The following SSH2 variants were observed in gnomAD, a reference collection of about 807,000 sequenced individuals.
SSH2 encodes slingshot protein phosphatase 2, also known as protein phosphatase Slingshot homolog 2.
A neutral mutation model predicts 135.2 loss-of-function variants in SSH2; 37 were observed. The ratio of observed to expected loss-of-function variants is 0.27; its 90% CI spans 0.21 to 0.36. SSH2 has a LOEUF of 0.36. SSH2 is among the 10% of genes least tolerant of loss of function. The probability of loss-of-function intolerance (pLI) is 1.00; values close to 1 mark genes in which losing one functional copy is unlikely to be tolerated. For synonymous variants in SSH2, 628 were observed against 646.2 expected (o/e 0.97, Z 0.43); for missense variants, 1,408 against 1,765.3 (o/e 0.80, Z 3.63).
At chr17:29,650,505 C>G (rs1485185949) in intron 13 of SSH2, 149 bp downstream of exon 13, 3 of 672,708 alleles carry the variant, frequency 4.5e-6, no homozygotes, top group Non-Finnish European at 6.8e-6. Context: ...AGTCTTTTGC[C>G]TAGGATTAAA....
intron 13 of SSH2, among the ~76,000 whole-genome samples, chr17:29,650,383 CT>C (rs1257024030): frequency 1.3e-5 from 2 of 152,290 alleles, no homozygotes; most frequent in Non-Finnish European, 2.9e-5. Flanking sequence ...TCTCTCATTT[CT>C]GTATCTTTTG....
chr17:29,671,989 G>A lies in SSH2; in HGVS notation c.755C>T (p.Ala252Val), dbSNP rs2037515061. 6.2e-7 allele frequency: 1 copy of A among 1,614,102 alleles called. No homozygotes were observed. Among genetic ancestry groups the A allele is most frequent in the African/African-American group, 1.3e-5 (1 of 75,026 alleles). ...CCGGTGGGACTGTACATCTTGCATT[G>A]CATTCCATTCATTGACTGAGGATTG... ...SDQSSVNEWN[A>V]MQDVQSHRPD... The change falls in exon 9 of 16, where the codon GCA (alanine) becomes GTA (valine). Residue 252 changes from alanine to valine, a missense_variant. This residue lies in a region of SSH2 where 222 missense variants were observed against 355.6 expected (regional missense o/e 0.62). Coordinates refer to ENST00000540801, the MANE Select transcript of SSH2 (RefSeq NM_001282129.2).
intron 11 of SSH2, among the ~76,000 whole-genome samples, chr17:29,660,591 G>A (rs1396097256): frequency 6.6e-6 from 1 of 151,884 alleles, no homozygotes; most frequent in Non-Finnish European, 1.5e-5. Context: ...TCTGTAAAAT[G>A]AAAACCCCTT....
chr17:29,736,148 G>A (rs761545576), intron 3 of SSH2, among the ~76,000 whole-genome samples: 2 of 152,112 alleles, frequency 1.3e-5, no homozygotes, highest in Non-Finnish European at 2.9e-5. Flanking sequence ...AGCATTAAGT[G>A]AGAGTTGACT....
intron 1 of SSH2, among the ~76,000 whole-genome samples, chr17:29,853,825 G>A (rs1018188241): frequency 1.3e-5 from 2 of 151,636 alleles, no homozygotes; most frequent in Non-Finnish European, 2.9e-5. Flanking sequence ...TTAGAGCCAG[G>A]TGTGGTAACA....
chr17:29,678,518 G>A (rs2037821721), intron 6 of SSH2, among the ~76,000 whole-genome samples: 1 of 152,090 alleles, frequency 6.6e-6, no homozygotes, highest in Non-Finnish European at 1.5e-5. Context: ...AAAAGGCAAA[G>A]GGAATTAAAA....
intron 1 of SSH2, among the ~76,000 whole-genome samples, chr17:29,852,793 A>G (rs1599093414): frequency 6.6e-6 from 1 of 151,648 alleles, no homozygotes; most frequent in Non-Finnish European, 1.5e-5. Flanking sequence ...CTCGTGATCC[A>G]CCCACCTCGG....
At chr17:29,653,619 C>T (rs2036665368) in intron 12 of SSH2, among the ~76,000 whole-genome samples, 1 of 151,848 alleles carries the variant, frequency 6.6e-6, no homozygotes, top group Admixed American at 6.6e-5. Flanking sequence ...CAGAGTCTCA[C>T]TCTGTTGCCT....
rs559738731 is a variant in SSH2 at position 29,925,969 on chromosome 17, T to C, written c.63+3969A>G. On this transcript the variant is annotated intron_variant, in intron 1 of 15. Coordinates refer to ENST00000540801, the MANE Select transcript of SSH2 (RefSeq NM_001282129.2). ...TCAAAAGAGACAGAGATAATTCTTA[T>C]ATTGCCCTCTAATAATCAGGAAACA... Among the ~76,000 whole-genome samples, 19 of 152,308 alleles carry C rather than the reference T, an allele frequency of 1.2e-4. 1 individual carries two copies. In the South Asian group the frequency reaches 3.9e-3, roughly 32 times the overall value.
At chr17:29,798,554 T>A (rs1307879360) in intron 2 of SSH2, among the ~76,000 whole-genome samples, 1 of 152,228 alleles carries the variant, frequency 6.6e-6, no homozygotes, top group Non-Finnish European at 1.5e-5. Context: ...ATAACCATTA[T>A]GATTATTATC....
chr17:29,682,246 T>C (rs2038017323), intron 6 of SSH2, among the ~76,000 whole-genome samples: 1 of 152,180 alleles, frequency 6.6e-6, no homozygotes, highest in Non-Finnish European at 1.5e-5. Context: ...AAGATTCAAT[T>C]GAAGCTTCAT....
At chr17:29,651,086 T>C (rs1016946966) in intron 12 of SSH2, among the ~76,000 whole-genome samples, 7 of 152,226 alleles carry the variant, frequency 4.6e-5, no homozygotes. Flanking sequence ...AATCGTATCC[T>C]TGATAGTATT....
chr17:29,652,084 G>A (rs904977528), intron 12 of SSH2, among the ~76,000 whole-genome samples: 67 of 152,142 alleles, frequency 4.4e-4, no homozygotes, highest in African/African-American at 1.4e-3. Context: ...GGAGGTTGCA[G>A]TGAGTCGAGA....
intron 1 of SSH2, among the ~76,000 whole-genome samples, chr17:29,857,897 C>A (rs188659011): frequency 6.6e-6 from 1 of 152,314 alleles, no homozygotes; most frequent in Non-Finnish European, 1.5e-5. Flanking sequence ...TTCATTTCCC[C>A]CTATTCCAAC....
At chr17:29,779,555 A>C (rs546074876) in intron 3 of SSH2, among the ~76,000 whole-genome samples, 2 of 152,264 alleles carry the variant, frequency 1.3e-5, no homozygotes, top group African/African-American at 4.8e-5. Context: ...AAAGATGAAC[A>C]GTGGCTGGGC....
intron 3 of SSH2, among the ~76,000 whole-genome samples, chr17:29,709,686 A>G (rs1411666733): frequency 6.6e-6 from 1 of 152,170 alleles, no homozygotes; most frequent in African/African-American, 2.4e-5. Flanking sequence ...CAAAAAAAAA[A>G]TGTAGAGTAC....
At chr17:29,646,699 C>T (rs989634662) in intron 14 of SSH2, among the ~76,000 whole-genome samples, 5 of 151,686 alleles carry the variant, frequency 3.3e-5, no homozygotes, top group Admixed American at 1.3e-4. Context: ...GGGGTTTCAC[C>T]ATATTGGCCA....
At chr17:29,842,778 C>T (rs1044450144) in intron 2 of SSH2, among the ~76,000 whole-genome samples, 74 of 152,284 alleles carry the variant, frequency 4.9e-4, no homozygotes, top group African/African-American at 1.8e-3. Context: ...CATGGTAAAA[C>T]TATGTTTGCC....
At chr17:29,756,821 C>CT (rs1230919111) in intron 3 of SSH2, among the ~76,000 whole-genome samples, 1 of 151,762 alleles carries the variant, frequency 6.6e-6, no homozygotes. Flanking sequence ...TGGCTGGCTA[C>CT]TTTTTTTGTA....
Sources: allele counts gnomAD v4.1 joint callset (sites outside exome capture counted in the v4.1 genomes callset), GRCh38; gene constraint gnomAD v4.1.1; regional missense constraint gnomAD v4.1.1; transcripts MANE v1.5; gene names NCBI Gene and HGNC (gene_info 2026-07-23, HGNC 2026-07-21).